TBCE: variants seen among roughly 807,000 people sequenced by gnomAD.
TBCE encodes tubulin-specific chaperone E.
Under a neutral mutation model 77.0 loss-of-function variants are expected in TBCE, and 53 were observed. The ratio of observed to expected loss-of-function variants is 0.69; its 90% CI spans 0.55 to 0.87. TBCE has a LOEUF of 0.87. Ranked by LOEUF, TBCE falls within the 40% of genes least tolerant of loss-of-function variation. The pLI, the probability that TBCE is intolerant of heterozygous loss-of-function variation, is 0.00. For synonymous variants in TBCE, 235 were observed against 241.3 expected, an observed-to-expected ratio of 0.97 and a Z score of 0.24; for missense variants, 624 against 622.4, an observed-to-expected ratio of 1.00 and a Z score of -0.03.
Position 235,451,176 on chromosome 1 carries a change from A to T in TBCE, c.*2414A>T, listed in dbSNP as rs1305708209. On this transcript the variant is annotated 3_prime_UTR_variant, in exon 17 of 17. Transcript: ENST00000642610. ...ACAGAGCTAGGATCTCTGAGGGGCCACAGCCTCAGGGGTGATAAAACAAAA... is the reference window on the plus strand; with the variant it reads ...ACAGAGCTAGGATCTCTGAGGGGCCTCAGCCTCAGGGGTGATAAAACAAAA... The T allele has an allele frequency of 6.6e-6, 1 of 152,136 alleles. No individual in the cohort carries two copies. The highest frequency in any genetic ancestry group is 2.4e-5 in the African/African-American group (1 of 41,416). 9.4% of individuals were successfully genotyped at this position (152,136 alleles called of 1,614,324 possible).
rs1376699677 is a variant in TBCE, at chr1:235,449,085, A to G, written c.*323A>G. 4.9e-5 allele frequency: 15 copies of G among 304,474 alleles called. No individual in the cohort carries two copies. The highest frequency in any genetic ancestry group is 4.1e-4 in the South Asian group (14 of 33,936). The allele number at this position is 304,474 out of a possible 1,614,324, so 18.9% of individuals were successfully genotyped here. On this transcript the variant is annotated 3_prime_UTR_variant, in exon 17 of 17. Coordinates refer to ENST00000642610, the MANE Select transcript of TBCE (RefSeq NM_003193.5). The stretch of plus-strand genomic sequence containing the variant: ...GCCTAATAAAATCTGAACACAGTTA[A>G]TATCTGTCATAAGACTAGTTTTAAT...
intron 2 of TBCE, among the ~76,000 whole-genome samples, chr1:235,399,419 C>T (rs1374600809): frequency 6.6e-6 from 1 of 152,166 alleles, no homozygotes; most frequent in Non-Finnish European, 1.5e-5. Context: ...GGATCTCTCT[C>T]CTGCCCTCCA....
At chr1:235,417,514 C>T (rs749760014) in intron 4 of TBCE, among the ~76,000 whole-genome samples, 3 of 152,240 alleles carry the variant, frequency 2.0e-5, no homozygotes, top group Non-Finnish European at 2.9e-5. Context: ...GAATTGGTGG[C>T]GTCCAGTCTG....
At chr1:235,371,112 A>C (rs550283464) in intron 1 of TBCE, among the ~76,000 whole-genome samples, 1 of 119,120 alleles carries the variant, frequency 8.4e-6, no homozygotes, top group East Asian at 2.8e-4. Context: ...GCTAGAGTGC[A>C]ATTGCATGAT....
At chr1:235,418,451 T>G (rs779514262) in intron 4 of TBCE, 9 of 152,246 alleles carry the variant, frequency 5.9e-5, no homozygotes, top group Non-Finnish European at 1.0e-4. Flanking sequence ...GTATGCGGAT[T>G]CTTTTCATGA....
At chr1:235,428,969 G>GTGTGTGTGTGTGTGTGTGTGTGTGTATA (rs1457812420) in intron 6 of TBCE, 1 of 110,996 alleles carries the variant, frequency 9.0e-6, no homozygotes, top group African/African-American at 4.3e-5. Context: ...ATGTATGTGT[G>GTGTGTGTGTGTGTGTGTGTGTGTGTATA]TATATATATA....
At chr1:235,416,199 G>GT (rs1474316440) in intron 4 of TBCE, 1 of 146,336 alleles carries the variant, frequency 6.8e-6, no homozygotes, top group Non-Finnish European at 1.5e-5. Flanking sequence ...AAAAAAAGAC[G>GT]TAACTATCAT....
chr1:235,396,212 C>T (rs951848723), intron 2 of TBCE, among the ~76,000 whole-genome samples: 5 of 152,084 alleles, frequency 3.3e-5, no homozygotes, highest in South Asian at 4.1e-4. Context: ...GTGCCCACCA[C>T]CACGCCCGGC....
intron 1 of TBCE, among the ~76,000 whole-genome samples, chr1:235,369,275 G>C (rs868764812): frequency 6.6e-6 from 1 of 150,870 alleles, no homozygotes; most frequent in Admixed American, 6.6e-5. Flanking sequence ...TTGGGAGGCC[G>C]AGGTGGGTGG....
chr1:235,369,557 C>G (rs1484750690), intron 1 of TBCE, among the ~76,000 whole-genome samples: 1 of 151,702 alleles, frequency 6.6e-6, no homozygotes, highest in Non-Finnish European at 1.5e-5. Context: ...CGCAGTGGCT[C>G]AAGCCTGTAA....
rs561928197 is a variant in TBCE, at chr1:235,390,644, C to T, written c.100+10495C>T. ...GATGTGGTGGTGCATGCCAATAATC[C>T]GAGCTACTTGGGAGGCTGAGGCAGG... On this transcript the variant is annotated intron_variant, in intron 2 of 16. Coordinates refer to ENST00000642610, the MANE Select transcript of TBCE (RefSeq NM_003193.5). Among the ~76,000 whole-genome samples, 124 of 151,724 alleles carry T rather than the reference C, an allele frequency of 8.2e-4. 1 individual carries two copies. The highest frequency in any genetic ancestry group is 1.4e-3 in the Non-Finnish European group (93 of 67,948).
At chr1:235,382,449 T>C (rs1677738418) in intron 2 of TBCE, among the ~76,000 whole-genome samples, 1 of 152,094 alleles carries the variant, frequency 6.6e-6, no homozygotes, top group Admixed American at 6.6e-5. Flanking sequence ...AAAGTGTTCC[T>C]ATTTCTCCAC....
intron 5 of TBCE, among the ~76,000 whole-genome samples, chr1:235,420,119 G>A (rs1159171384): frequency 6.6e-6 from 1 of 152,154 alleles, no homozygotes; most frequent in Non-Finnish European, 1.5e-5. Context: ...TTTGGCCTCT[G>A]CCTTTTGCCT....
chr1:235,412,913 C>T (rs1363014571), intron 3 of TBCE, among the ~76,000 whole-genome samples: 2 of 152,172 alleles, frequency 1.3e-5, no homozygotes, highest in African/African-American at 4.8e-5. Flanking sequence ...AAGTGATTCT[C>T]CTGCCTCAGC....
At chr1:235,428,382 TG>T (rs1348338310) in intron 6 of TBCE, among the ~76,000 whole-genome samples, 9 of 152,144 alleles carry the variant, frequency 5.9e-5, no homozygotes, top group Admixed American at 4.6e-4. Context: ...TTTTTCTTCT[TG>T]GAAGTCCCCT....
chr1:235,368,724 AT>A (rs750475367), intron 1 of TBCE, among the ~76,000 whole-genome samples: 232 of 142,380 alleles, frequency 1.6e-3, no homozygotes, highest in Middle Eastern at 0.011. Context: ...TGCCCAGCTA[AT>A]TTTTTTTTTT....
chr1:235,409,541 C>G (rs1679651310), intron 3 of TBCE, among the ~76,000 whole-genome samples: 1 of 151,896 alleles, frequency 6.6e-6, no homozygotes, highest in East Asian at 1.9e-4. Flanking sequence ...TGGAAATGTT[C>G]CAGAAAATAT....
At position 235,405,498 on chromosome 1, in the gene TBCE, T is replaced by C. The variant is rs192409683; in HGVS notation, c.185+3911T>C. 4.0e-3 allele frequency among the ~76,000 whole-genome samples: 603 copies of C among 151,836 alleles called. 5 individuals carry two copies. The highest frequency in any genetic ancestry group is 0.014 in the African/African-American group (575 of 41,436). Reference sequence around the variant, plus strand: ...TAAAAACAGAAAAATTAGCTGGGCATGGTGGCATGCACCTGTAATCCTAGC... The same window carrying C: ...TAAAAACAGAAAAATTAGCTGGGCACGGTGGCATGCACCTGTAATCCTAGC... On this transcript the variant is annotated intron_variant, in intron 3 of 16. Transcript: ENST00000642610.
At chr1:235,387,817 T>G (rs1423641194) in intron 2 of TBCE, among the ~76,000 whole-genome samples, 1 of 152,152 alleles carries the variant, frequency 6.6e-6, no homozygotes, top group African/African-American at 2.4e-5. Context: ...TTCTTGGATC[T>G]CGTGCAAGAA....
Sources: allele counts gnomAD v4.1 joint callset (sites outside exome capture counted in the v4.1 genomes callset), GRCh38; gene constraint gnomAD v4.1.1; transcripts MANE v1.5; gene names NCBI Gene and HGNC (gene_info 2026-07-23, HGNC 2026-07-21).